Variants in KDR observed in about 807,000 individuals in gnomAD.
The protein encoded by KDR is kinase insert domain receptor.
A neutral mutation model predicts 160.9 loss-of-function variants in KDR; 43 were observed. The ratio of observed to expected loss-of-function variants is 0.27; its 90% CI spans 0.21 to 0.34. The LOEUF (loss-of-function observed/expected upper bound fraction) is 0.34. KDR is among the 10% of genes least tolerant of loss of function. The pLI is 1.00. For synonymous variants in KDR, 617 were observed against 600.1 expected (o/e 1.03, Z -0.41); for missense variants, 1,469 against 1,666.4 (o/e 0.88, Z 2.06).
intron 11 of KDR, 51 bp downstream of exon 11, chr4:55,106,636 T>A: frequency 7.6e-7 from 1 of 1,311,868 alleles, no homozygotes; most frequent in Non-Finnish European, 1.1e-6. Context: ...TATTGTACCA[T>A]CCTTCCATTA....
intron 1 of KDR, among the ~76,000 whole-genome samples, chr4:55,123,508 T>A (rs1380057): frequency 0.46 from 69,422 of 152,116 alleles, 16,916 homozygotes; most frequent in East Asian, 0.67. Context: ...AAGCTGAGAC[T>A]ATGCCATACT....
intron 16 of KDR, 22 bp from the exon 17 acceptor site, chr4:55,098,294 A>G: frequency 6.2e-7 from 1 of 1,613,442 alleles, no homozygotes; most frequent in Non-Finnish European, 8.5e-7. Context: ...CAATCCTTCC[A>G]GTCATAAACA....
At chr4:55,101,428 ATG>A (rs1720306534) in intron 15 of KDR, among the ~76,000 whole-genome samples, 1 of 152,232 alleles carries the variant, frequency 6.6e-6, no homozygotes, top group Admixed American at 6.5e-5. Context: ...TTCAAAGTGA[ATG>A]TGTGTCTATA....
At chr4:55,106,930 T>C (rs1328621304) in intron 10 of KDR, 120 bp from the exon 11 acceptor site, 1 of 864,980 alleles carries the variant, frequency 1.2e-6, no homozygotes, top group Middle Eastern at 3.2e-4. Flanking sequence ...CAACGCAGCC[T>C]ACCATGGTAC....
chr4:55,104,978 G>A lies in KDR; in HGVS notation c.1652C>T (p.Pro551Leu). 1 of 1,613,352 alleles carries A rather than the reference G, an allele frequency of 6.2e-7. No homozygotes were observed. The highest frequency in any genetic ancestry group is 8.5e-7 in the Non-Finnish European group (1 of 1,179,698). Residue 551 changes from proline to leucine, a missense_variant, in exon 13 of 30, where the codon CCT becomes CTT. This residue lies in a region of KDR where 792 missense variants were observed against 840.9 expected (regional missense o/e 0.94). Coordinates refer to ENST00000263923, the MANE Select transcript of KDR (RefSeq NM_002253.4). ...RVISFHVTRG[P>L]EITLQPDMQP... ...CATGTCAGGTTGCAAAGTAATTTCA[G>A]GACCCCCTAAAATGAAGAGGCCATA...
chr4:55,097,641 A>G, intron 18 of KDR, 21 bp downstream of exon 18: 1 of 1,419,828 alleles, frequency 7.0e-7, no homozygotes, highest in Non-Finnish European at 1.0e-6. Flanking sequence ...AAGATAGATC[A>G]CCACATAATT....
At position 55,094,102 on chromosome 4, in the gene KDR, G is replaced by A. The variant is rs139346508; in HGVS notation, c.2971+700C>T. Among the ~76,000 whole-genome samples the A allele has an allele frequency of 4.6e-3, 693 of 152,038 alleles. 6 individuals carry two copies. The highest frequency in any genetic ancestry group is 0.015 in the African/African-American group (638 of 41,476). On this transcript the variant is annotated intron_variant, in intron 21 of 29. Coordinates refer to ENST00000263923, the MANE Select transcript of KDR (RefSeq NM_002253.4). The stretch of plus-strand genomic sequence containing the variant: ...AAGGCACCTGTAATCCCAGCTACTC[G>A]GAAGGCTGAGGCACAAGAATCACTT...
intron 2 of KDR, among the ~76,000 whole-genome samples, chr4:55,120,076 C>G (rs192466876): frequency 2.7e-4 from 41 of 152,268 alleles, no homozygotes; most frequent in Admixed American, 4.6e-4. Flanking sequence ...GGAAATGTGT[C>G]TTAAACAAGT....
chr4:55,087,801 C>T, intron 26 of KDR, 43 bp from the exon 27 acceptor site: 1 of 1,600,882 alleles, frequency 6.2e-7, no homozygotes, highest in Non-Finnish European at 8.6e-7. Flanking sequence ...GGCTTCAGTT[C>T]TTCAAGTGCC....
chr4:55,107,485 CTG>C (rs1378817572), intron 10 of KDR, among the ~76,000 whole-genome samples: 1 of 152,116 alleles, frequency 6.6e-6, no homozygotes, highest in Non-Finnish European at 1.5e-5. Context: ...AGCAAATAGC[CTG>C]TGTTTGGAGA....
In KDR at chr4:55,101,885, T is replaced by TA. The variant is rs1163675733; in HGVS notation, c.2266+11dup. The TA allele has an allele frequency of 2.5e-6, 4 of 1,608,602 alleles. No homozygotes were observed. In the African/African-American group the frequency reaches 4.0e-5, roughly 16 times the overall value. On this transcript the variant is annotated intron_variant, in intron 15 of 29. Transcript: ENST00000263923. Reference sequence around the variant, plus strand: ...GGTGTATATGTACCACATTTTTTTTTATCCCACTGACCTTCTATTATGAAA... The same window carrying TA: ...GGTGTATATGTACCACATTTTTTTTTAATCCCACTGACCTTCTATTATGAAA...
chr4:55,124,914 G>A (rs1405840981), intron 1 of KDR, among the ~76,000 whole-genome samples: 1 of 152,114 alleles, frequency 6.6e-6, no homozygotes, highest in Non-Finnish European at 1.5e-5. Context: ...GCCAACCCCA[G>A]GCGCCTTCCC....
rs1347193441 is a variant in KDR, at chr4:55,123,927, A to G, written c.67+1300T>C. On this transcript the variant is annotated intron_variant, in intron 1 of 29. Coordinates refer to ENST00000263923, the MANE Select transcript of KDR (RefSeq NM_002253.4). ...TATTCAGGGCGACCGGCCTGCCGTT[A>G]CTACTACGCTAGGAAACACCCCAGG... Among the ~76,000 whole-genome samples, 3 of 152,350 alleles carry G rather than the reference A, an allele frequency of 2.0e-5. No individual in the cohort carries two copies. In the East Asian group the frequency reaches 5.8e-4, roughly 29 times the overall value.
chr4:55,094,115 A>T (rs2110014566), intron 21 of KDR, among the ~76,000 whole-genome samples: 1 of 152,240 alleles, frequency 6.6e-6, no homozygotes, highest in Admixed American at 6.5e-5. Context: ...AGGCTGAGGC[A>T]CAAGAATCAC....
Position 55,124,620 on chromosome 4 carries a change from C to A in KDR, c.67+607G>T, listed in dbSNP as rs75822936. Among the ~76,000 whole-genome samples, 120 of 152,226 alleles carry A rather than the reference C, an allele frequency of 7.9e-4. 1 individual carries two copies. In the East Asian group the frequency reaches 0.016, roughly 21 times the overall value. ...CCCCAGGACAAGTCCCTATTCCCCCCCTTCTTCGCTCTGCAAGGAGAGCGG... is the reference window on the plus strand; with the variant it reads ...CCCCAGGACAAGTCCCTATTCCCCCACTTCTTCGCTCTGCAAGGAGAGCGG... On this transcript the variant is annotated intron_variant, in intron 1 of 29. Transcript: ENST00000263923.
intron 15 of KDR, 113 bp from the exon 16 acceptor site, chr4:55,098,916 T>C: frequency 1.4e-6 from 1 of 738,454 alleles, no homozygotes; most frequent in Non-Finnish European, 2.4e-6. Context: ...CTTGGAAAAA[T>C]CCTAGAGGAC....
chr4:55,084,983 A>G (rs1676407522), intron 27 of KDR, among the ~76,000 whole-genome samples: 1 of 152,194 alleles, frequency 6.6e-6, no homozygotes, highest in South Asian at 2.1e-4. Flanking sequence ...CCAAGCATCA[A>G]TCTACAAGGG....
Position 55,125,539 on chromosome 4 carries a change from G to A in KDR, c.-246C>T. ...GGCGCGCAAGTGATGCCCGGCGCAG[G>A]CAGAGGAAACGCAGCGACCACACAT... is the stretch of plus-strand genomic sequence containing the variant. On this transcript the variant is annotated 5_prime_UTR_variant, in exon 1 of 30. Coordinates refer to ENST00000263923, the MANE Select transcript of KDR (RefSeq NM_002253.4). 1.7e-6 allele frequency: 1 copy of A among 601,328 alleles called. No individual in the cohort carries two copies. Among genetic ancestry groups the A allele is most frequent in the East Asian group, 2.8e-5 (1 of 36,278 alleles). The allele number at this position is 601,328 out of a possible 1,614,324, so 37.2% of individuals were successfully genotyped here. A position where few individuals can be genotyped will look rare whatever the true frequency, so the allele number is the denominator to read the frequency against.
chr4:55,109,615 G>T (rs1199642275), intron 9 of KDR, among the ~76,000 whole-genome samples: 1 of 152,032 alleles, frequency 6.6e-6, no homozygotes, highest in Non-Finnish European at 1.5e-5. Flanking sequence ...TGGTCAAATA[G>T]GTTTGTTAAA....
Sources: gnomAD v4.1 joint callset for allele counts (sites outside exome capture counted in the v4.1 genomes callset) on GRCh38, gnomAD v4.1.1 for gene constraint, gnomAD v4.1.1 regional missense constraint, MANE v1.5 for transcripts, NCBI Gene and HGNC (gene_info 2026-07-23, HGNC 2026-07-21) for gene names.